NUSAP1: variants seen among roughly 807,000 people sequenced by gnomAD.
NUSAP1 encodes the protein nucleolar and spindle associated protein 1.
NUSAP1 carries 32 observed loss-of-function variants against 52.8 expected under a neutral mutation model. The observed-to-expected ratio is 0.61, with a 90% confidence interval of 0.46 to 0.81. The LOEUF is 0.81. NUSAP1 is among the 40% of genes least tolerant of loss of function. The probability of loss-of-function intolerance (pLI) is 0.00; values close to 1 mark genes in which losing one functional copy is unlikely to be tolerated. For synonymous variants in NUSAP1, 195 were observed against 183.1 expected, an observed-to-expected ratio of 1.06 and a Z score of -0.52; for missense variants, 499 against 522.3, an observed-to-expected ratio of 0.96 and a Z score of 0.43.
Position 41,348,734 on chromosome 15 carries a change from G to A in NUSAP1, c.163-364G>A, listed in dbSNP as rs578065382. Among the ~76,000 whole-genome samples the A allele has an allele frequency of 2.6e-5, 4 of 152,230 alleles. No individual in the cohort carries two copies. The South Asian group carries it at 8.3e-4, about 32-fold the overall frequency. ...GGCTCACTGCAACCTCCCCTTGCCG[G>A]GTCAAGTGATTATCCTGCCTCAGCC... On this transcript the variant is annotated intron_variant, in intron 2 of 10. Transcript: ENST00000559596.
rs984631447 is a variant in NUSAP1 at position 41,346,607 on chromosome 15, T to G, written c.163-2491T>G. On this transcript the variant is annotated intron_variant, in intron 2 of 10. Transcript: ENST00000559596. ...ACTTTGGGAGGCCGAGGTGGGTGGA[T>G]CACGAGGTCAAGAGATCAAAACCAT... is the stretch of plus-strand genomic sequence containing the variant. Among the ~76,000 whole-genome samples the G allele has an allele frequency of 2.0e-5, 3 of 151,734 alleles. No individual in the cohort carries two copies. In the Admixed American group the frequency reaches 2.0e-4, roughly 10 times the overall value.
chr15:41,352,564 G>A (rs1037008207), intron 4 of NUSAP1, among the ~76,000 whole-genome samples: 1 of 151,678 alleles, frequency 6.6e-6, no homozygotes, highest in Non-Finnish European at 1.5e-5. Flanking sequence ...AAGTCTCCCA[G>A]GTAATTTTTA....
chr15:41,364,410 G>A (rs2049304047), intron 6 of NUSAP1, among the ~76,000 whole-genome samples: 1 of 151,986 alleles, frequency 6.6e-6, no homozygotes, highest in Non-Finnish European at 1.5e-5. Context: ...GTCGAGTGTG[G>A]TGGTGGGTGC....
At position 41,333,867 on chromosome 15, in the gene NUSAP1, GCAC is replaced by G. The variant is rs560094695; in HGVS notation, c.93+821_93+823del. Among the ~76,000 whole-genome samples, 392 of 152,260 alleles carry G rather than the reference GCAC, an allele frequency of 2.6e-3. 1 individual carries two copies. Among genetic ancestry groups the G allele is most frequent in the Non-Finnish European group, 4.7e-3 (323 of 68,012 alleles). On this transcript the variant is annotated intron_variant, in intron 1 of 10. Transcript: ENST00000559596. ...GCCGAGGTGGCAGTGAGCCAAGATC[GCAC>G]CACTGCACTCCAACTTCGGTGACAG...
chr15:41,357,730 C>T (rs2049024960), intron 5 of NUSAP1, among the ~76,000 whole-genome samples: 1 of 152,134 alleles, frequency 6.6e-6, no homozygotes, highest in African/African-American at 2.4e-5. Context: ...AGGTGTTGAG[C>T]CACCATGACC....
At chr15:41,341,324 A>T (rs913645478) in intron 1 of NUSAP1, among the ~76,000 whole-genome samples, 1 of 152,120 alleles carries the variant, frequency 6.6e-6, no homozygotes, top group Non-Finnish European at 1.5e-5. Context: ...TCGGCCTCCC[A>T]AAGTGCTGGA....
intron 5 of NUSAP1, among the ~76,000 whole-genome samples, chr15:41,357,826 A>G (rs1215683829): frequency 1.3e-5 from 2 of 152,186 alleles, no homozygotes; most frequent in East Asian, 1.9e-4. Flanking sequence ...TATCAAATTC[A>G]TTATTAAATA....
At chr15:41,342,340 C>G (rs1291578942) in intron 1 of NUSAP1, 46 bp from the exon 2 acceptor site, 1 of 1,290,596 alleles carries the variant, frequency 7.7e-7, no homozygotes, top group African/African-American at 1.5e-5. Context: ...ACGTATCTTC[C>G]TTGTTTATTT....
intron 4 of NUSAP1, among the ~76,000 whole-genome samples, chr15:41,354,704 T>C (rs1029868486): frequency 1.3e-4 from 19 of 150,398 alleles, no homozygotes; most frequent in Admixed American, 3.3e-4. Flanking sequence ...TAATTTATAT[T>C]AAATAATTTT....
intron 1 of NUSAP1, among the ~76,000 whole-genome samples, chr15:41,342,126 C>G (rs2048386683): frequency 6.6e-6 from 1 of 152,172 alleles, no homozygotes; most frequent in South Asian, 2.1e-4. Flanking sequence ...GATGGCCATG[C>G]CTACCTATGT....
At chr15:41,363,043 T>G (rs2049240814) in intron 6 of NUSAP1, among the ~76,000 whole-genome samples, 1 of 151,882 alleles carries the variant, frequency 6.6e-6, no homozygotes, top group Non-Finnish European at 1.5e-5. Flanking sequence ...TCCCAGCACT[T>G]TGGGAGGCTG....
intron 7 of NUSAP1, among the ~76,000 whole-genome samples, chr15:41,369,640 C>T (rs1161303577): frequency 6.6e-6 from 1 of 151,382 alleles, no homozygotes; most frequent in Non-Finnish European, 1.5e-5. Context: ...AAGAGCGAAA[C>T]ATTGTCTAAA....
chr15:41,360,610 C>T (rs1021142898), intron 6 of NUSAP1, among the ~76,000 whole-genome samples: 3 of 152,042 alleles, frequency 2.0e-5, no homozygotes, highest in Non-Finnish European at 4.4e-5. Flanking sequence ...GCCACGGCGC[C>T]CAGCCCCTGC....
At chr15:41,369,217 T>C (rs900106850) in intron 7 of NUSAP1, among the ~76,000 whole-genome samples, 1 of 152,156 alleles carries the variant, frequency 6.6e-6, no homozygotes, top group African/African-American at 2.4e-5. Flanking sequence ...AGCCTGCCCA[T>C]GTTTTAATCA....
At chr15:41,340,188 G>A (rs2048323780) in intron 1 of NUSAP1, among the ~76,000 whole-genome samples, 1 of 151,970 alleles carries the variant, frequency 6.6e-6, no homozygotes, top group Admixed American at 6.6e-5. Flanking sequence ...CTACCATAAG[G>A]GCAGTTTCTG....
intron 3 of NUSAP1, among the ~76,000 whole-genome samples, 192 bp from the exon 4 acceptor site, chr15:41,350,796 T>C (rs150905354): frequency 1.3e-5 from 2 of 152,312 alleles, no homozygotes; most frequent in African/African-American, 4.8e-5. Context: ...TAATGTGCCC[T>C]AGTATCTCCT....
At chr15:41,355,138 C>T (rs1159977272) in intron 4 of NUSAP1, among the ~76,000 whole-genome samples, 2 of 152,144 alleles carry the variant, frequency 1.3e-5, no homozygotes, top group East Asian at 3.9e-4. Context: ...GCATGAGCCA[C>T]TGCACCTGGC....
At chr15:41,345,977 A>G (rs1405573049) in intron 2 of NUSAP1, among the ~76,000 whole-genome samples, 2 of 151,746 alleles carry the variant, frequency 1.3e-5, no homozygotes, top group Admixed American at 6.6e-5. Flanking sequence ...CCTAGACCTT[A>G]CAACACTTGG....
intron 1 of NUSAP1, among the ~76,000 whole-genome samples, chr15:41,338,679 G>T (rs569264865): frequency 3.3e-5 from 5 of 152,316 alleles, no homozygotes; most frequent in Non-Finnish European, 7.4e-5. Context: ...CCAGGCGCCA[G>T]GCGCAGTGGC....
Sources: allele counts gnomAD v4.1 joint callset (sites outside exome capture counted in the v4.1 genomes callset), GRCh38; gene constraint gnomAD v4.1.1; transcripts MANE v1.5; gene names NCBI Gene and HGNC (gene_info 2026-07-23, HGNC 2026-07-21).